The following LHFPL6 variants were observed in gnomAD, a reference collection of about 807,000 sequenced individuals.
LHFPL6 encodes the protein LHFPL tetraspan subfamily member 6 protein.
LHFPL6 carries 9 observed loss-of-function variants against 20.6 expected under a neutral mutation model. The observed-to-expected ratio is 0.44, with a 90% CI of 0.26 to 0.76. The LOEUF (loss-of-function observed/expected upper bound fraction) is 0.76, where lower values mean the gene tolerates loss of function less well. Ranked by LOEUF, LHFPL6 falls within the 30% of genes least tolerant of loss-of-function variation. The pLI, the probability that LHFPL6 is intolerant of heterozygous loss-of-function variation, is 0.20. For synonymous variants in LHFPL6, 105 were observed against 98.7 expected (o/e 1.06, Z -0.38); for missense variants, 218 against 253.5 (o/e 0.86, Z 0.95).
chr13:39,523,962 TG>T (rs1175854597), intron 2 of LHFPL6, among the ~76,000 whole-genome samples: 1 of 151,576 alleles, frequency 6.6e-6, no homozygotes, highest in African/African-American at 2.4e-5. Flanking sequence ...AGAAAAAAAA[TG>T]AAGATTTGTA....
chr13:39,494,128 C>A (rs1869021338), intron 2 of LHFPL6, among the ~76,000 whole-genome samples: 1 of 152,166 alleles, frequency 6.6e-6, no homozygotes, highest in Admixed American at 6.5e-5. Flanking sequence ...ATTCAAATGT[C>A]CTGGGCAGGT....
intron 2 of LHFPL6, among the ~76,000 whole-genome samples, chr13:39,530,198 C>G (rs575212927): frequency 6.6e-6 from 1 of 151,122 alleles, no homozygotes; most frequent in East Asian, 2.0e-4. Context: ...AAGAGGATCC[C>G]TTGAGCCCAG....
At chr13:39,596,932 G>A (rs1358265648) in intron 2 of LHFPL6, among the ~76,000 whole-genome samples, 1 of 152,196 alleles carries the variant, frequency 6.6e-6, no homozygotes, top group Non-Finnish European at 1.5e-5. Flanking sequence ...CTCAAGTCAT[G>A]AAAGACAGGC....
chr13:39,476,874 G>C (rs975144318), intron 2 of LHFPL6, among the ~76,000 whole-genome samples: 5 of 152,156 alleles, frequency 3.3e-5, no homozygotes, highest in African/African-American at 1.2e-4. Context: ...GGTTTTTGGG[G>C]CCTCATTAAA....
chr13:39,562,583 C>CATATATACAT (rs200031750), intron 2 of LHFPL6, among the ~76,000 whole-genome samples: 1 of 79,398 alleles, frequency 1.3e-5, no homozygotes, highest in African/African-American at 3.9e-5. Flanking sequence ...CATATATACA[C>CATATATACAT]ATATATACAT....
intron 2 of LHFPL6, among the ~76,000 whole-genome samples, chr13:39,488,151 C>T (rs1868789543): frequency 2.6e-5 from 4 of 152,210 alleles, no homozygotes; most frequent in South Asian, 2.1e-4. Flanking sequence ...GCATATTACC[C>T]GCATGTAAGG....
intron 2 of LHFPL6, among the ~76,000 whole-genome samples, chr13:39,547,181 T>C (rs988853176): frequency 6.6e-6 from 1 of 152,128 alleles, no homozygotes; most frequent in Non-Finnish European, 1.5e-5. Flanking sequence ...CTAGTTCTAA[T>C]TTTAATTTAT....
At chr13:39,461,092 G>T (rs1402045133) in intron 2 of LHFPL6, among the ~76,000 whole-genome samples, 1 of 152,090 alleles carries the variant, frequency 6.6e-6, no homozygotes, top group Admixed American at 6.6e-5. Context: ...GCAGTATTTG[G>T]TTTTTCTGTT....
At chr13:39,513,975 T>C (rs1206317796) in intron 2 of LHFPL6, among the ~76,000 whole-genome samples, 5 of 152,172 alleles carry the variant, frequency 3.3e-5, no homozygotes, top group Non-Finnish European at 5.9e-5. Flanking sequence ...ACTCTGCAAC[T>C]TGACTCTGGA....
chr13:39,506,295 G>A lies in LHFPL6; in HGVS notation c.385+94537C>T, dbSNP rs185021472. Among the ~76,000 whole-genome samples the A allele has an allele frequency of 2.6e-3, 398 of 152,300 alleles. 4 individuals are homozygous for A. In the Middle Eastern group the frequency reaches 0.034, roughly 13 times the overall value. ...TAAAAATGTATGTGAAAGAGCACCT[G>A]AGGGTCCCGCTGCTAATTCCTTGGC... On this transcript the variant is annotated intron_variant, in intron 2 of 3. Transcript: ENST00000379589.
intron 3 of LHFPL6, among the ~76,000 whole-genome samples, chr13:39,374,169 CCACACCATGGAATA>C (rs1334612953): frequency 3.3e-5 from 5 of 152,040 alleles, no homozygotes; most frequent in African/African-American, 1.2e-4. Context: ...ATGTAGTATT[CCACACCATGGAATA>C]CTACACAGCC....
chr13:39,377,243 T>C (rs933659820), intron 3 of LHFPL6, among the ~76,000 whole-genome samples: 4 of 152,234 alleles, frequency 2.6e-5, no homozygotes, highest in African/African-American at 7.2e-5. Context: ...TACCTGCCTC[T>C]CCAAGTCTTC....
intron 2 of LHFPL6, among the ~76,000 whole-genome samples, chr13:39,409,663 G>C (rs1192219339): frequency 2.0e-5 from 3 of 152,054 alleles, no homozygotes; most frequent in Non-Finnish European, 4.4e-5. Context: ...TTCAATATAT[G>C]CACTTACTTC....
chr13:39,421,853 G>A (rs1200880794), intron 2 of LHFPL6, among the ~76,000 whole-genome samples: 4 of 152,180 alleles, frequency 2.6e-5, no homozygotes, highest in Admixed American at 2.6e-4. Flanking sequence ...TTTGAATTCT[G>A]TTCCTTTACC....
At chr13:39,515,312 G>C (rs557469912) in intron 2 of LHFPL6, among the ~76,000 whole-genome samples, 18 of 152,326 alleles carry the variant, frequency 1.2e-4, no homozygotes, top group African/African-American at 4.3e-4. Context: ...ATCAAGGGTT[G>C]AGGATTTTTT....
intron 2 of LHFPL6, among the ~76,000 whole-genome samples, chr13:39,407,079 T>G (rs1871128174): frequency 6.6e-6 from 1 of 152,224 alleles, no homozygotes; most frequent in Non-Finnish European, 1.5e-5. Context: ...TTTCCTCTAT[T>G]GGCAGAATTT....
chr13:39,521,308 C>T (rs1388878699), intron 2 of LHFPL6, among the ~76,000 whole-genome samples: 1 of 152,160 alleles, frequency 6.6e-6, no homozygotes, highest in African/African-American at 2.4e-5. Flanking sequence ...GATCTTTCAT[C>T]TTGAATTGAA....
intron 3 of LHFPL6, among the ~76,000 whole-genome samples, chr13:39,344,937 T>C (rs1467508096): frequency 1.3e-5 from 2 of 152,240 alleles, no homozygotes; most frequent in Admixed American, 6.5e-5. Flanking sequence ...CCAGATGGGT[T>C]AATGGAATGG....
At chr13:39,474,749 C>A (rs1052852019) in intron 2 of LHFPL6, among the ~76,000 whole-genome samples, 11 of 151,900 alleles carry the variant, frequency 7.2e-5, no homozygotes, top group Admixed American at 5.9e-4. Flanking sequence ...ATGTCCCAGG[C>A]CACAGGGAGC....
Sources: allele counts gnomAD v4.1 joint callset (sites outside exome capture counted in the v4.1 genomes callset), GRCh38; gene constraint gnomAD v4.1.1; transcripts MANE v1.5; gene names NCBI Gene and HGNC (gene_info 2026-07-23, HGNC 2026-07-21).